The following DHX35 variants were observed in gnomAD, a reference collection of about 807,000 sequenced individuals.
DHX35 encodes the protein DEAH-box helicase 35.
A neutral mutation model predicts 99.6 loss-of-function variants in DHX35; 84 were observed. The ratio of observed to expected loss-of-function variants is 0.84; its 90% CI spans 0.71 to 1.01. DHX35 has a LOEUF of 1.01. Ranked by LOEUF, DHX35 falls within the 50% of genes least tolerant of loss-of-function variation. The pLI is 0.00. For synonymous variants in DHX35, 331 were observed against 316.2 expected (o/e 1.05, Z -0.50); for missense variants, 852 against 888.5 (o/e 0.96, Z 0.52).
chr20:38,987,525 C>T (rs1044293094), intron 4 of DHX35, among the ~76,000 whole-genome samples: 3 of 152,172 alleles, frequency 2.0e-5, no homozygotes, highest in Admixed American at 6.5e-5. Context: ...TGAACCACCG[C>T]GTCCGGTCCT....
rs1057424582 is a variant in DHX35, at chr20:38,978,249, G to A, written c.268-5450G>A. ...AATTCATTGCCTCTGCTTCAACAAT[G>A]TGCAATTCATCCTTTGCACCAGCCC... On this transcript the variant is annotated intron_variant, in intron 3 of 21. Coordinates refer to ENST00000252011, the MANE Select transcript of DHX35 (RefSeq NM_021931.4). 1.0e-4 allele frequency: 81 copies of A among 806,852 alleles called. No homozygotes were observed. In the African/African-American group the frequency reaches 1.2e-3, roughly 11 times the overall value. 50.0% of individuals were successfully genotyped at this position (806,852 alleles called of 1,614,324 possible). A position where few individuals can be genotyped will look rare whatever the true frequency, so the allele number is the denominator to read the frequency against.
At chr20:39,028,044 A>G (rs1298270532) in intron 18 of DHX35, among the ~76,000 whole-genome samples, 3 of 152,178 alleles carry the variant, frequency 2.0e-5, no homozygotes, top group African/African-American at 7.2e-5. Context: ...TAGAAAGAAC[A>G]TTGTTGCCAT....
intron 15 of DHX35, among the ~76,000 whole-genome samples, chr20:39,020,759 G>T (rs1448882176): frequency 6.8e-6 from 1 of 147,788 alleles, no homozygotes. Flanking sequence ...CCTGGGTTCA[G>T]TTCAAGCAAT....
At chr20:39,019,497 C>G (rs184316680) in intron 15 of DHX35, among the ~76,000 whole-genome samples, 38 of 152,120 alleles carry the variant, frequency 2.5e-4, no homozygotes, top group African/African-American at 7.5e-4. Flanking sequence ...CATTTTGAGT[C>G]CCTGCTTTTA....
chr20:38,999,750 C>G (rs897924888), intron 8 of DHX35, among the ~76,000 whole-genome samples: 1 of 152,178 alleles, frequency 6.6e-6, no homozygotes, highest in African/African-American at 2.4e-5. Context: ...TTGTTTGCCT[C>G]GAATCTCTTA....
chr20:39,001,115 C>T (rs1366980552), intron 8 of DHX35, among the ~76,000 whole-genome samples: 1 of 152,180 alleles, frequency 6.6e-6, no homozygotes, highest in Non-Finnish European at 1.5e-5. Context: ...AGACACTTCT[C>T]CCAACAGGGT....
chr20:39,034,884 C>T lies in DHX35; in HGVS notation c.2067+567C>T, dbSNP rs140367227. Among the ~76,000 whole-genome samples the T allele has an allele frequency of 4.5e-3, 688 of 151,442 alleles. 8 individuals are homozygous for T. Among genetic ancestry groups the T allele is most frequent in the African/African-American group, 0.016 (663 of 41,226 alleles). ...CCACCCACCTCAGCCTCCCAAAGTG[C>T]TGGGATTACAGGTATGAGCCAGCAG... is the stretch of plus-strand genomic sequence containing the variant. On this transcript the variant is annotated intron_variant, in intron 21 of 21. Transcript: ENST00000252011.
intron 2 of DHX35, among the ~76,000 whole-genome samples, chr20:38,972,184 A>G (rs1383088262): frequency 2.0e-5 from 3 of 151,438 alleles, no homozygotes; most frequent in Non-Finnish European, 4.4e-5. Context: ...TAATTTTTGT[A>G]TTTTTAGTAG....
At chr20:39,006,042 G>C in intron 11 of DHX35, 104 bp from the exon 12 acceptor site, 1 of 1,340,524 alleles carries the variant, frequency 7.5e-7, no homozygotes, top group South Asian at 1.3e-5. Flanking sequence ...GCCTCTCACA[G>C]ATTCTGCAAT....
intron 14 of DHX35, among the ~76,000 whole-genome samples, chr20:39,018,546 T>A (rs888746805): frequency 3.3e-5 from 5 of 151,888 alleles, no homozygotes; most frequent in African/African-American, 1.2e-4. Context: ...GGGATTTCCT[T>A]ATAATTAAGT....
intron 1 of DHX35, chr20:38,962,800 T>G (rs1601348604): frequency 4.1e-6 from 1 of 241,794 alleles, no homozygotes; most frequent in Non-Finnish European, 8.1e-6. Flanking sequence ...CAAGCCCAAG[T>G]TATGGAGTCA....
rs989248254 is a variant in DHX35 at position 39,038,853 on chromosome 20, G to A, written c.*310G>A. On this transcript the variant is annotated 3_prime_UTR_variant, in exon 22 of 22. Coordinates refer to ENST00000252011, the MANE Select transcript of DHX35 (RefSeq NM_021931.4). ...CCAGCAGGCATGCAGTCCTGGCCCA[G>A]CTCTATGGGAAACAAGGAGGAAAGT... is the stretch of plus-strand genomic sequence containing the variant. 159 of 416,144 alleles carry A rather than the reference G, an allele frequency of 3.8e-4. No homozygotes were observed. Among genetic ancestry groups the A allele is most frequent in the Middle Eastern group, 1.9e-3 (3 of 1,564 alleles). The allele number at this position is 416,144 out of a possible 1,614,324, so 25.8% of individuals were successfully genotyped here. A position where few individuals can be genotyped will look rare whatever the true frequency, so the allele number is the denominator to read the frequency against.
At chr20:38,974,006 A>G (rs919805657) in intron 3 of DHX35, among the ~76,000 whole-genome samples, 5 of 152,192 alleles carry the variant, frequency 3.3e-5, no homozygotes, top group African/African-American at 1.2e-4. Flanking sequence ...TGCTGTGAAC[A>G]TTCATGTGCT....
intron 21 of DHX35, among the ~76,000 whole-genome samples, chr20:39,036,819 G>A (rs1386562320): frequency 6.8e-6 from 1 of 147,968 alleles, no homozygotes; most frequent in Non-Finnish European, 1.5e-5. Context: ...AACTTGTGTT[G>A]TTTCTTAACT....
chr20:38,993,143 G>T (rs1021498072), intron 7 of DHX35, among the ~76,000 whole-genome samples: 2 of 152,164 alleles, frequency 1.3e-5, no homozygotes, highest in Admixed American at 6.5e-5. Context: ...TAAGAGCATA[G>T]GCATTGAGTC....
intron 7 of DHX35, among the ~76,000 whole-genome samples, chr20:38,994,200 A>T (rs2086387435): frequency 6.6e-6 from 1 of 152,188 alleles, no homozygotes; most frequent in African/African-American, 2.4e-5. Context: ...GGAACGGTAT[A>T]ATAAGAGGGC....
chr20:38,998,677 T>C (rs2086469106), intron 8 of DHX35, among the ~76,000 whole-genome samples: 1 of 152,270 alleles, frequency 6.6e-6, no homozygotes, highest in Non-Finnish European at 1.5e-5. Context: ...TGATTCTGCC[T>C]CAAGATTCTT....
Position 38,993,175 on chromosome 20 carries a change from T to G in DHX35, c.582+750T>G, listed in dbSNP as rs548081429. Among the ~76,000 whole-genome samples the G allele has an allele frequency of 2.0e-4, 30 of 152,382 alleles. No homozygotes were observed. The South Asian group carries it at 6.0e-3, about 30-fold the overall frequency. On this transcript the variant is annotated intron_variant, in intron 7 of 21. Transcript: ENST00000252011. ...AGTCAGACTACCTGGGTTCAAATTCTGGCTTTGCTGAGTTTACTCATCTCT... is the reference window on the plus strand; with the variant it reads ...AGTCAGACTACCTGGGTTCAAATTCGGGCTTTGCTGAGTTTACTCATCTCT...
chr20:39,012,650 C>T (rs568682954), intron 13 of DHX35, among the ~76,000 whole-genome samples: 43 of 152,246 alleles, frequency 2.8e-4, no homozygotes, highest in Admixed American at 1.6e-3. Flanking sequence ...GTATCTCAGC[C>T]TCCCAAGTAG....
Sources: allele counts gnomAD v4.1 joint callset (sites outside exome capture counted in the v4.1 genomes callset), GRCh38; gene constraint gnomAD v4.1.1; transcripts MANE v1.5; gene names NCBI Gene and HGNC (gene_info 2026-07-23, HGNC 2026-07-21).